Variants in RHBDF1 observed in about 807,000 individuals in gnomAD.
RHBDF1 encodes rhomboid 5 homolog 1.
A neutral mutation model predicts 98.6 loss-of-function variants in RHBDF1; 80 were observed. The ratio of observed to expected loss-of-function variants is 0.81; its 90% CI spans 0.68 to 0.98. The LOEUF (loss-of-function observed/expected upper bound fraction) is 0.98, where lower values mean the gene tolerates loss of function less well. Among genes scored for constraint, RHBDF1 ranks in the 50% least tolerant of loss-of-function variants. RHBDF1 has a pLI of 0.00. For missense variants in RHBDF1, 1,116 were observed against 1,198.3 expected (o/e 0.93, Z 1.01); for synonymous variants, 512 against 486.8 (o/e 1.05, Z -0.68).
rs1165222738 is a variant in RHBDF1 at position 58,640 on chromosome 16, G to C, written c.2268C>G (p.Leu756=). 2 of 1,613,386 alleles carry C rather than the reference G, an allele frequency of 1.2e-6. No individual in the cohort carries two copies. Among genetic ancestry groups the C allele is most frequent in the East Asian group, 2.2e-5 (1 of 44,898 alleles). The change falls in exon 18 of 18, where the codon CTC becomes CTG. Residue 756 remains leucine (L), a synonymous_variant. Coordinates refer to ENST00000262316, the MANE Select transcript of RHBDF1 (RefSeq NM_022450.5). ...GCAGCAGCCCAAAGGTGAAGAGGAAGAGCACCACAGCCAGCAGCTTGAAGA... is the reference window on the plus strand; with the variant it reads ...GCAGCAGCCCAAAGGTGAAGAGGAACAGCACCACAGCCAGCAGCTTGAAGA... ...RAFFKLLAVV[L]FLFTFGLLPW...
chr16:64,438 C>T, intron 3 of RHBDF1: 1 of 1,468,486 alleles, frequency 6.8e-7, no homozygotes, highest in South Asian at 1.2e-5. Flanking sequence ...TACTTGTCGG[C>T]TGCTAAGAGG....
chr16:73,936 G>A (rs1898039951), upstream of RHBDF1: 1 of 985,272 alleles, frequency 1.0e-6, no homozygotes, highest in Non-Finnish European at 1.2e-6. Flanking sequence ...CCCAGAGCCT[G>A]GGCAAGATTC....
chr16:58,300 G>A lies in RHBDF1; in HGVS notation c.*40C>T. ...GCTCAGGGAGGTCGTGTCTGGCTCT[G>A]GCCTGCTGGAGCACACGGCCGCTGG... On this transcript the variant is annotated 3_prime_UTR_variant, in exon 18 of 18. Coordinates refer to ENST00000262316, the MANE Select transcript of RHBDF1 (RefSeq NM_022450.5). 2 of 1,582,930 alleles carry A rather than the reference G, an allele frequency of 1.3e-6. No homozygotes were observed. Among genetic ancestry groups the A allele is most frequent in the African/African-American group, 1.3e-5 (1 of 74,498 alleles).
In RHBDF1 at chr16:70,551, C is replaced by T. The variant is rs1444028192; in HGVS notation, c.-25+1962G>A. Among the ~76,000 whole-genome samples the T allele has an allele frequency of 2.0e-5, 3 of 152,254 alleles. No homozygotes were observed. In the East Asian group the frequency reaches 5.8e-4, roughly 29 times the overall value. On this transcript the variant is annotated intron_variant, in intron 1 of 17. Coordinates refer to ENST00000262316, the MANE Select transcript of RHBDF1 (RefSeq NM_022450.5). ...AGTCAGAGCAGAAATGGCTTCGGTC[C>T]TCAGCAGCCTGGCTCAGCTTCCTCA...
At chr16:65,293 T>C (rs1248359052) in intron 1 of RHBDF1, among the ~76,000 whole-genome samples, 1 of 152,242 alleles carries the variant, frequency 6.6e-6, no homozygotes, top group Admixed American at 6.5e-5. Flanking sequence ...GCACACACTA[T>C]GGTCAGGATA....
At chr16:64,425 G>A (rs2141857114) in intron 3 of RHBDF1, 2 of 1,440,628 alleles carry the variant, frequency 1.4e-6, no homozygotes, top group Non-Finnish European at 9.3e-7. Flanking sequence ...CACGCCCGAA[G>A]CGTACTTGTC....
chr16:72,568 C>G lies in RHBDF1; in HGVS notation c.-80G>C, dbSNP rs1898004776. On this transcript the variant is annotated 5_prime_UTR_variant, in exon 1 of 18. Transcript: ENST00000262316. ...AGGGCGCCGGGGAGGAGGCTGCCGC[C>G]GCTGGCCGGGAGGGCCCGCGCCGAG... 1 of 883,920 alleles carries G rather than the reference C, an allele frequency of 1.1e-6. No homozygotes were observed. The highest frequency in any genetic ancestry group is 3.6e-5 in the African/African-American group (1 of 28,130). 54.8% of individuals were successfully genotyped at this position (883,920 alleles called of 1,614,324 possible).
chr16:65,155 C>T (rs1897795594), intron 1 of RHBDF1, 116 bp from the exon 2 acceptor site: 4 of 1,112,298 alleles, frequency 3.6e-6, no homozygotes, highest in Middle Eastern at 2.1e-4. Flanking sequence ...GCTCATGTCC[C>T]CCACTGTCAG....
rs1897653067 is a variant in RHBDF1 at position 62,051 on chromosome 16, G to A, written c.955C>T (p.Pro319Ser). The A allele has an allele frequency of 1.4e-6, 2 of 1,460,496 alleles. No homozygotes were observed. The highest frequency in any genetic ancestry group is 1.8e-6 in the Non-Finnish European group (2 of 1,110,956). The allele number at this position is 1,460,496 out of a possible 1,614,324, so 90.5% of individuals were successfully genotyped here. ...TGCTTCCGCCAGCCTCGCTCCAAGG[G>A]CCTGGAGGGAGCCGGCATTCACCTC... ...SELERSHLML[P>S]LERGWRKQKE... The change falls in exon 8 of 18, where the codon CCC becomes TCC. Residue 319 changes from proline (P) to serine (S), a missense_variant and splice_region_variant. Physicochemically the swap from Pro to Ser is moderately conservative, Grantham distance 74. Coordinates refer to ENST00000262316, the MANE Select transcript of RHBDF1 (RefSeq NM_022450.5).
At chr16:72,849 C>T (rs1445808101), upstream of RHBDF1, among the ~76,000 whole-genome samples, 1 of 152,134 alleles carries the variant, frequency 6.6e-6, no homozygotes. Flanking sequence ...TGGGAGCGGA[C>T]CGCAGTGTCA....
In RHBDF1 at chr16:59,682, C is replaced by T. The variant is rs369392895; in HGVS notation, c.1817+50G>A. On this transcript the variant is annotated intron_variant, in intron 14 of 17. Transcript: ENST00000262316. ...GTTAGGGAGAAGGCACACCCTAGGG[C>T]GATGCTCTGAGCCCAGAGACCAGCT... 54 of 1,602,190 alleles carry T rather than the reference C, an allele frequency of 3.4e-5. No homozygotes were observed. The African/African-American group carries it at 6.4e-4, about 19-fold the overall frequency.
At chr16:62,238 C>CACT in intron 7 of RHBDF1, 186 bp from the exon 8 acceptor site, 2 of 831,690 alleles carry the variant, frequency 2.4e-6, no homozygotes, top group Admixed American at 3.0e-5. Context: ...GGAGCTGGAA[C>CACT]GGGGACACAC....
chr16:63,725 G>A lies in RHBDF1; in HGVS notation c.324C>T (p.His108=). The change falls in exon 4 of 18, where the codon CAC becomes CAT. Residue 108 remains histidine, a synonymous_variant. Coordinates refer to ENST00000262316, the MANE Select transcript of RHBDF1 (RefSeq NM_022450.5). The part of the protein sequence containing the change: ...TQKWQRKSIR[H]CSQRYGKLKP... Reference sequence around the variant, plus strand: ...TCAGCTTCCCGTAGCGCTGGCTGCAGTGACGGATGCTCTTGCGCTGCCATT... The same window carrying A: ...TCAGCTTCCCGTAGCGCTGGCTGCAATGACGGATGCTCTTGCGCTGCCATT... The A allele has an allele frequency of 6.2e-6, 10 of 1,613,786 alleles. No individual in the cohort carries two copies. The highest frequency in any genetic ancestry group is 8.5e-6 in the Non-Finnish European group (10 of 1,179,994).
Position 58,238 on chromosome 16 carries a change from C to A in RHBDF1, c.*102G>T, listed in dbSNP as rs115497968. The A allele has an allele frequency of 1.8e-3, 2,071 of 1,151,882 alleles. 30 individuals are homozygous for A. In the African/African-American group the frequency reaches 0.029, roughly 16 times the overall value. 71.4% of individuals were successfully genotyped at this position (1,151,882 alleles called of 1,614,324 possible). On this transcript the variant is annotated 3_prime_UTR_variant, in exon 18 of 18. Transcript: ENST00000262316. ...GTCTGTGTTCAGGAAACAGGCCAGT[C>A]CCCACATGGAGCAGGTGACTCCTGT...
chr16:72,452 G>GC, intron 1 of RHBDF1, 61 bp downstream of exon 1: 7 of 876,042 alleles, frequency 8.0e-6, no homozygotes, highest in Non-Finnish European at 9.6e-6. Context: ...CCCGCCCTCC[G>GC]GACGCAGCCC....
chr16:59,155 G>T, intron 16 of RHBDF1, 28 bp from the exon 17 acceptor site: 1 of 1,607,290 alleles, frequency 6.2e-7, no homozygotes. Context: ...CGGGGGTCGG[G>T]AGACATTCAG....
rs1210355004 is a variant in RHBDF1 at position 64,898 on chromosome 16, C to A, written c.117+1G>T. 4.3e-6 allele frequency: 7 copies of A among 1,610,572 alleles called. No homozygotes were observed. The highest frequency in any genetic ancestry group is 5.1e-6 in the Non-Finnish European group (6 of 1,177,716). ...CACAGTCCCTGCAGGCCAGGGCCTACCTGCAGGAAGCTGGGCTCTTCTGCC... is the reference window on the plus strand; with the variant it reads ...CACAGTCCCTGCAGGCCAGGGCCTAACTGCAGGAAGCTGGGCTCTTCTGCC... On this transcript the variant is annotated splice_donor_variant, in intron 2 of 17. Transcript: ENST00000262316. LOFTEE classifies it high-confidence loss of function.
chr16:71,962 G>C (rs1481379412), intron 1 of RHBDF1, among the ~76,000 whole-genome samples: 1 of 152,230 alleles, frequency 6.6e-6, no homozygotes, highest in East Asian at 1.9e-4. Flanking sequence ...TCAGTGTCGT[G>C]GGGCAGAAGG....
chr16:63,053 CT>C lies in RHBDF1; in HGVS notation c.591del (p.Gly198ValfsTer17). ...ASLCSFSSSR[S>X]GFHRLPRRRK... ...CGCCGCCGCGGGAGCCGGTGGAAAC[CT>C]GAGCGGGAGCTGGAGAAGGAGCAGA... On this transcript the variant is annotated frameshift_variant, in exon 5 of 18. Transcript: ENST00000262316. LOFTEE classifies it high-confidence loss of function. 1 of 1,612,972 alleles carries C rather than the reference CT, an allele frequency of 6.2e-7. No individual in the cohort carries two copies. The highest frequency in any genetic ancestry group is 2.2e-5 in the East Asian group (1 of 44,854).
Sources: allele counts gnomAD v4.1 joint callset (sites outside exome capture counted in the v4.1 genomes callset), GRCh38; gene constraint gnomAD v4.1.1; transcripts MANE v1.5; gene names NCBI Gene and HGNC (gene_info 2026-07-23, HGNC 2026-07-21).